PIGB: variants seen among roughly 807,000 people sequenced by gnomAD.
PIGB encodes the protein GPI alpha-1,2-mannosyltransferase 3.
A neutral mutation model predicts 68.4 loss-of-function variants in PIGB; 58 were observed. The ratio of observed to expected loss-of-function variants is 0.85; its 90% CI spans 0.69 to 1.06. The LOEUF (loss-of-function observed/expected upper bound fraction) is 1.06, where lower values mean the gene tolerates loss of function less well. Among genes scored for constraint, PIGB ranks in the 50% least tolerant of loss-of-function variants. The pLI is 0.00. For missense variants in PIGB, 634 were observed against 655.8 expected, an observed-to-expected ratio of 0.97 and a Z score of 0.36; for synonymous variants, 219 against 220.5, an observed-to-expected ratio of 0.99 and a Z score of 0.06.
intron 9 of PIGB, among the ~76,000 whole-genome samples, chr15:55,344,317 T>C (rs190894402): frequency 3.9e-4 from 60 of 152,344 alleles, no homozygotes; most frequent in African/African-American, 1.4e-3. Context: ...TCTTCTCAGC[T>C]CTTCTGAGTT....
At position 55,354,756 on chromosome 15, in the gene PIGB, A is replaced by G. The variant is rs765674321; in HGVS notation, c.1338-42A>G. Reference sequence around the variant, plus strand: ...TATCTTAAGACTAATGAAAACTTTCATGTTTTACTTGTATTTATTATGGTA... The same window carrying G: ...TATCTTAAGACTAATGAAAACTTTCGTGTTTTACTTGTATTTATTATGGTA... On this transcript the variant is annotated intron_variant, in intron 10 of 11. Transcript: ENST00000164305. 19 of 1,485,396 alleles carry G rather than the reference A, an allele frequency of 1.3e-5. No individual in the cohort carries two copies. In the Middle Eastern group the frequency reaches 5.3e-4, roughly 42 times the overall value. The allele number at this position is 1,485,396 out of a possible 1,614,324, so 92.0% of individuals were successfully genotyped here.
intron 6 of PIGB, 129 bp downstream of exon 6, chr15:55,334,136 T>C (rs2055484281): frequency 3.7e-6 from 2 of 544,358 alleles, no homozygotes; most frequent in African/African-American, 2.0e-5. Context: ...TCCAAGGAAA[T>C]AGAATAATGC....
chr15:55,354,289 C>T (rs1218079992), intron 10 of PIGB, among the ~76,000 whole-genome samples: 4 of 151,262 alleles, frequency 2.6e-5, no homozygotes, highest in Non-Finnish European at 4.4e-5. Flanking sequence ...GCCTGGGTGA[C>T]GAGAGCGAAA....
Position 55,329,761 on chromosome 15 carries a change from G to C in PIGB, c.560G>C (p.Cys187Ser). Residue 187 changes from cysteine (C) to serine (S), a missense_variant, in exon 5 of 12, where the codon TGC becomes TCC. Cys to Ser is a moderately radical substitution (Grantham distance 112). Transcript: ENST00000164305. ...CQLCSWFTWY[C>S]CTRTLTNTME... ...TTGTGCTCCTGGTTCACATGGTATT[G>C]CTGTACCAGAACCCTTACAAACACC... 6.2e-7 allele frequency: 1 copy of C among 1,610,552 alleles called. No individual in the cohort carries two copies. The highest frequency in any genetic ancestry group is 8.5e-7 in the Non-Finnish European group (1 of 1,177,104).
chr15:55,349,609 G>A (rs2055880224), intron 9 of PIGB: 1 of 152,084 alleles, frequency 6.6e-6, no homozygotes, highest in South Asian at 2.1e-4. Context: ...ACTATTTCAA[G>A]TAGATTAAAA....
intron 10 of PIGB, among the ~76,000 whole-genome samples, chr15:55,353,275 A>G (rs75535459): frequency 0.029 from 4,358 of 152,260 alleles, 64 homozygotes; most frequent in Non-Finnish European, 0.035. Flanking sequence ...TTAACATCCA[A>G]ATAAGTAATG....
At chr15:55,322,115 G>A (rs1030714780) in intron 3 of PIGB, among the ~76,000 whole-genome samples, 3 of 151,662 alleles carry the variant, frequency 2.0e-5, no homozygotes, top group Non-Finnish European at 4.4e-5. Context: ...TGGAGGTTGC[G>A]GTGAGCCGAG....
chr15:55,320,954 C>T (rs2055150411), intron 2 of PIGB, among the ~76,000 whole-genome samples: 1 of 152,096 alleles, frequency 6.6e-6, no homozygotes, highest in Admixed American at 6.5e-5. Flanking sequence ...CAGTACTTAG[C>T]ACTTGGAGGA....
In PIGB at chr15:55,353,951, G is replaced by A. The variant is rs117308486; in HGVS notation, c.1338-847G>A. On this transcript the variant is annotated intron_variant, in intron 10 of 11. Transcript: ENST00000164305. ...CAATAAAACCATTACTTATTTGGAT[G>A]TTAATCAGTGGACATATGTTGCTCT... is the stretch of plus-strand genomic sequence containing the variant. 2.5e-4 allele frequency among the ~76,000 whole-genome samples: 38 copies of A among 151,044 alleles called. No homozygotes were observed. The East Asian group carries it at 7.2e-3, about 28-fold the overall frequency.
At chr15:55,325,016 A>C (rs576035878) in intron 3 of PIGB, among the ~76,000 whole-genome samples, 1 of 152,186 alleles carries the variant, frequency 6.6e-6, no homozygotes, top group Non-Finnish European at 1.5e-5. Context: ...GGACTTAATG[A>C]AGTTTGCTTC....
At chr15:55,335,548 T>A (rs1241868501) in intron 6 of PIGB, among the ~76,000 whole-genome samples, 1 of 152,150 alleles carries the variant, frequency 6.6e-6, no homozygotes, top group Non-Finnish European at 1.5e-5. Context: ...TATATATTTG[T>A]CAAGTGATGG....
chr15:55,335,181 A>G (rs1407487706), intron 6 of PIGB, among the ~76,000 whole-genome samples: 2 of 152,178 alleles, frequency 1.3e-5, no homozygotes, highest in Non-Finnish European at 2.9e-5. Context: ...GTGTAAGTGC[A>G]CTCTATGATG....
chr15:55,326,820 G>A (rs905076582), intron 3 of PIGB, among the ~76,000 whole-genome samples: 1 of 152,188 alleles, frequency 6.6e-6, no homozygotes, highest in Non-Finnish European at 1.5e-5. Context: ...CTGGGCGACA[G>A]AGCGATACGT....
At chr15:55,324,195 A>G (rs1350973232) in intron 3 of PIGB, among the ~76,000 whole-genome samples, 6 of 152,174 alleles carry the variant, frequency 3.9e-5, no homozygotes, top group Admixed American at 3.9e-4. Context: ...GAATAGTCAG[A>G]AGACAACAAA....
chr15:55,340,971 A>C, intron 8 of PIGB, 148 bp downstream of exon 8: 1 of 580,372 alleles, frequency 1.7e-6, no homozygotes, highest in Non-Finnish European at 3.0e-6. Context: ...AGTAGTAATT[A>C]TGGAGGCACT....
chr15:55,355,394 A>C lies in PIGB; in HGVS notation c.1627A>C (p.Lys543Gln), dbSNP rs2056057635. The change falls in exon 12 of 12, where the codon AAG becomes CAG. Residue 543 changes from lysine to glutamine, a missense_variant. By Grantham distance (53) the Lys-to-Gln change is moderately conservative. Coordinates refer to ENST00000164305, the MANE Select transcript of PIGB (RefSeq NM_004855.5). Reference sequence around the variant, plus strand: ...AAGTCACATATATGTCTATGAACGGAAGTTAAAAGGGAAATTCAACATGAA... The same window carrying C: ...AAGTCACATATATGTCTATGAACGGCAGTTAAAAGGGAAATTCAACATGAA... ...IGSHIYVYER[K>Q]LKGKFNMKMK... is the part of the protein sequence containing the mutation. The C allele has an allele frequency of 1.9e-6, 3 of 1,609,488 alleles. No individual in the cohort carries two copies.
At chr15:55,328,496 G>C (rs1482732207) in intron 4 of PIGB, among the ~76,000 whole-genome samples, 1 of 152,130 alleles carries the variant, frequency 6.6e-6, no homozygotes, top group Non-Finnish European at 1.5e-5. Context: ...CATTTCTGCA[G>C]GTATTCTATT....
At chr15:55,325,034 A>G (rs2055248731) in intron 3 of PIGB, among the ~76,000 whole-genome samples, 1 of 152,236 alleles carries the variant, frequency 6.6e-6, no homozygotes, top group African/African-American at 2.4e-5. Flanking sequence ...TTCAACAAAA[A>G]TATGAATTAA....
At chr15:55,329,568 TAA>T (rs1342658089) in intron 4 of PIGB, among the ~76,000 whole-genome samples, 154 bp from the exon 5 acceptor site, 3 of 152,238 alleles carry the variant, frequency 2.0e-5, no homozygotes, top group Non-Finnish European at 2.9e-5. Context: ...TGTAACTTTC[TAA>T]AAACGACGTT....
Sources: gnomAD v4.1 joint callset for allele counts (sites outside exome capture counted in the v4.1 genomes callset) on GRCh38, gnomAD v4.1.1 for gene constraint, MANE v1.5 for transcripts, NCBI Gene and HGNC (gene_info 2026-07-23, HGNC 2026-07-21) for gene names.